Variants in ERC1 observed in about 807,000 individuals in gnomAD.
The protein encoded by ERC1 is ELKS/RAB6-interacting/CAST family member 1.
Under a neutral mutation model 132.0 loss-of-function variants are expected in ERC1, and 56 were observed. The ratio of observed to expected loss-of-function variants is 0.42; its 90% CI spans 0.34 to 0.53. The LOEUF is 0.53. Ranked by LOEUF, ERC1 falls within the 20% of genes least tolerant of loss-of-function variation. The pLI is 0.03. For synonymous variants in ERC1, 478 were observed against 476.1 expected, an observed-to-expected ratio of 1.00 and a Z score of -0.05; for missense variants, 1,202 against 1,349.9, an observed-to-expected ratio of 0.89 and a Z score of 1.72.
intron 1 of ERC1, among the ~76,000 whole-genome samples, chr12:1,010,410 G>T (rs558625261): frequency 6.6e-6 from 1 of 150,762 alleles, no homozygotes; most frequent in East Asian, 2.0e-4. Context: ...GAACCCGGGA[G>T]GAGAGGTTGC....
At chr12:1,270,140 A>G (rs754273250) in intron 14 of ERC1, among the ~76,000 whole-genome samples, 4 of 152,212 alleles carry the variant, frequency 2.6e-5, no homozygotes, top group Non-Finnish European at 5.9e-5. Context: ...ATCCATTTAT[A>G]TGATGAAGGT....
In ERC1 at chr12:1,130,092, A is replaced by G. The variant is rs1255375832; in HGVS notation, c.1570-11528A>G. On this transcript the variant is annotated intron_variant, in intron 7 of 18. Coordinates refer to ENST00000360905, the MANE Select transcript of ERC1 (RefSeq NM_178040.4). Reference sequence around the variant, plus strand: ...GGAATTCTGCATCTAGATTGTTTCTATCTTCCCTGTCAAGAGCATAGGAAT... The same window carrying G: ...GGAATTCTGCATCTAGATTGTTTCTGTCTTCCCTGTCAAGAGCATAGGAAT... 3.3e-5 allele frequency among the ~76,000 whole-genome samples: 5 copies of G among 152,332 alleles called. 1 individual carries two copies. Among genetic ancestry groups the G allele is most frequent in the South Asian group, 4.1e-4 (2 of 4,826 alleles).
chr12:1,351,243 A>G (rs1443314814), intron 15 of ERC1, among the ~76,000 whole-genome samples: 1 of 152,198 alleles, frequency 6.6e-6, no homozygotes, highest in Non-Finnish European at 1.5e-5. Context: ...GTCTAGTCCT[A>G]TTGTCACTGA....
At chr12:1,445,053 G>A (rs937717590) in intron 18 of ERC1, 3 of 274,794 alleles carry the variant, frequency 1.1e-5, no homozygotes, top group East Asian at 1.4e-4. Flanking sequence ...TGTTTCTCAT[G>A]TACAACATGT....
At chr12:1,291,260 A>T (rs773946536) in intron 15 of ERC1, among the ~76,000 whole-genome samples, 1 of 152,110 alleles carries the variant, frequency 6.6e-6, no homozygotes, top group African/African-American at 2.4e-5. Context: ...TATGTCTTGG[A>T]AGTAATGTGT....
chr12:1,456,534 A>G (rs2093539695), intron 18 of ERC1, among the ~76,000 whole-genome samples: 1 of 152,066 alleles, frequency 6.6e-6, no homozygotes, highest in Non-Finnish European at 1.5e-5. Flanking sequence ...CCAAGAAGAT[A>G]TTATTTCTAA....
At chr12:1,180,867 G>A (rs761179482) in intron 9 of ERC1, among the ~76,000 whole-genome samples, 190 bp downstream of exon 9, 9 of 149,806 alleles carry the variant, frequency 6.0e-5, no homozygotes, top group Non-Finnish European at 1.3e-4. Flanking sequence ...AGGCTGGAGT[G>A]CAGTGGCGTG....
intron 17 of ERC1, among the ~76,000 whole-genome samples, chr12:1,428,233 ATTAC>A (rs1321573175): frequency 6.6e-6 from 1 of 152,196 alleles, no homozygotes; most frequent in East Asian, 1.9e-4. Context: ...CTCTTCACGT[ATTAC>A]TTGTTTCCCA....
intron 2 of ERC1, among the ~76,000 whole-genome samples, chr12:1,038,291 C>T (rs61918700): frequency 0.041 from 6,174 of 151,884 alleles, 195 homozygotes; most frequent in Non-Finnish European, 0.063. Flanking sequence ...CTTTTTCTCC[C>T]TCCCCATCTC....
chr12:1,288,767 A>G (rs1206329150), intron 14 of ERC1, among the ~76,000 whole-genome samples: 2 of 152,200 alleles, frequency 1.3e-5, no homozygotes, highest in African/African-American at 4.8e-5. Context: ...GTTATTACCA[A>G]GATTATTTCT....
At chr12:1,220,050 T>C (rs1267786578) in intron 12 of ERC1, among the ~76,000 whole-genome samples, 1 of 152,110 alleles carries the variant, frequency 6.6e-6, no homozygotes, top group African/African-American at 2.4e-5. Flanking sequence ...CCTATCAGCT[T>C]TTTTGTTGTT....
intron 8 of ERC1, among the ~76,000 whole-genome samples, chr12:1,158,918 A>T (rs1222965296): frequency 6.6e-6 from 1 of 151,930 alleles, no homozygotes; most frequent in African/African-American, 2.4e-5. Flanking sequence ...TGTATAGAGA[A>T]TAATATACTG....
At chr12:1,296,522 T>C (rs911538318) in intron 15 of ERC1, among the ~76,000 whole-genome samples, 41 of 145,460 alleles carry the variant, frequency 2.8e-4, no homozygotes, top group African/African-American at 9.9e-4. Flanking sequence ...CAGGCGATCC[T>C]CCTGCCTCAG....
At chr12:1,065,476 CCGTT>C in intron 2 of ERC1, among the ~76,000 whole-genome samples, 1 of 56,050 alleles carries the variant, frequency 1.8e-5, no homozygotes, top group Non-Finnish European at 4.2e-5. Context: ...TTTCTTTGTA[CCGTT>C]TGTGTGTGTG....
intron 13 of ERC1, among the ~76,000 whole-genome samples, chr12:1,251,200 T>C (rs1188180442): frequency 6.6e-6 from 1 of 152,158 alleles, no homozygotes; most frequent in African/African-American, 2.4e-5. Flanking sequence ...GAAAGCCTTT[T>C]ATAAACATTA....
intron 2 of ERC1, among the ~76,000 whole-genome samples, chr12:1,050,013 G>T (rs994111085): frequency 6.6e-6 from 1 of 152,130 alleles, no homozygotes; most frequent in East Asian, 1.9e-4. Flanking sequence ...AAAGTGCTGG[G>T]ATTACAGGCG....
At chr12:1,075,370 T>G (rs971440829) in intron 2 of ERC1, among the ~76,000 whole-genome samples, 3 of 152,190 alleles carry the variant, frequency 2.0e-5, no homozygotes, top group South Asian at 2.1e-4. Context: ...ACTGCATTCT[T>G]TAAAGCAAGC....
rs41514844 is a variant in ERC1 at position 1,117,729 on chromosome 12, C to T, written c.1569+1696C>T. ...GCACATAGTAAAGTCTTTGTACATT[C>T]GTCATTGTTATCATTTTATAATTCT... On this transcript the variant is annotated intron_variant, in intron 7 of 18. Coordinates refer to ENST00000360905, the MANE Select transcript of ERC1 (RefSeq NM_178040.4). Among the ~76,000 whole-genome samples, 1,416 of 152,252 alleles carry T rather than the reference C, an allele frequency of 9.3e-3. 20 individuals are homozygous for T. Among genetic ancestry groups the T allele is most frequent in the African/African-American group, 0.031 (1,286 of 41,540 alleles).
chr12:1,196,974 ATATTTTTTTT>A (rs1956378154), intron 12 of ERC1, among the ~76,000 whole-genome samples: 4 of 52,134 alleles, frequency 7.7e-5, no homozygotes, highest in Admixed American at 1.6e-4. Context: ...ATATATATAT[ATATTTTTTTT>A]TTTTTTTTTT....
Sources: allele counts gnomAD v4.1 joint callset (sites outside exome capture counted in the v4.1 genomes callset), GRCh38; gene constraint gnomAD v4.1.1; transcripts MANE v1.5; gene names NCBI Gene and HGNC (gene_info 2026-07-23, HGNC 2026-07-21).